Variants in LURAP1L observed in about 807,000 individuals in gnomAD.
LURAP1L encodes leucine rich adaptor protein 1 like.
In LURAP1L, 12 loss-of-function variants were observed where a neutral mutation model predicts 13.8. The ratio of observed to expected loss-of-function variants is 0.87; its 90% CI spans 0.56 to 1.41. The LOEUF (loss-of-function observed/expected upper bound fraction) is 1.41, where lower values mean the gene tolerates loss of function less well. Ranked by LOEUF, LURAP1L falls within the 40% of genes most tolerant of loss-of-function variation. LURAP1L has a pLI of 0.00. For synonymous variants in LURAP1L, 139 were observed against 119.2 expected (o/e 1.17, Z -1.08); for missense variants, 375 against 292.9 (o/e 1.28, Z -2.04).
chr9:12,791,074 G>T (rs1819434489), intron 1 of LURAP1L, among the ~76,000 whole-genome samples: 2 of 151,914 alleles, frequency 1.3e-5, no homozygotes, highest in Non-Finnish European at 2.9e-5. Context: ...ATGTGACTTG[G>T]GCACATTGTC....
chr9:12,792,335 G>A (rs1819451431), intron 1 of LURAP1L, among the ~76,000 whole-genome samples: 1 of 151,984 alleles, frequency 6.6e-6, no homozygotes, highest in Non-Finnish European at 1.5e-5. Context: ...TAATTTCTTA[G>A]CACTTTTGTC....
chr9:12,795,977 A>T (rs1469648050), intron 1 of LURAP1L, among the ~76,000 whole-genome samples: 1 of 152,044 alleles, frequency 6.6e-6, no homozygotes, highest in East Asian at 1.9e-4. Context: ...AGATAAATAA[A>T]TATTTTTAAA....
rs926134164 is a variant in LURAP1L, at chr9:12,775,332, T to C, written c.-384T>C. 6 of 188,138 alleles carry C rather than the reference T, an allele frequency of 3.2e-5. No individual in the cohort carries two copies. Among genetic ancestry groups the C allele is most frequent in the Non-Finnish European group, 6.4e-5 (6 of 93,512 alleles). 11.7% of individuals were successfully genotyped at this position (188,138 alleles called of 1,614,324 possible). ...GGACGGTTTTATAATGTGAAAATTTTCCCTTGGTAAAGCTAAAACAGATTT... is the reference window on the plus strand; with the variant it reads ...GGACGGTTTTATAATGTGAAAATTTCCCCTTGGTAAAGCTAAAACAGATTT... On this transcript the variant is annotated 5_prime_UTR_variant, in exon 1 of 2. Coordinates refer to ENST00000319264, the MANE Select transcript of LURAP1L (RefSeq NM_203403.2).
intron 1 of LURAP1L, among the ~76,000 whole-genome samples, chr9:12,813,520 AAAACAC>A (rs1461021319): frequency 6.6e-6 from 1 of 152,192 alleles, no homozygotes; most frequent in Admixed American, 6.5e-5. Flanking sequence ...CAGAAATTTA[AAAACAC>A]TATAAAGCAG....
Position 12,791,893 on chromosome 9 carries a change from T to C in LURAP1L, c.312+15866T>C, listed in dbSNP as rs115415359. ...AATTAATGCCACAATTAATGACTTA[T>C]GTCACTTTATTTCTGCTGACTTCAG... On this transcript the variant is annotated intron_variant, in intron 1 of 1. Transcript: ENST00000319264. 2.9e-3 allele frequency among the ~76,000 whole-genome samples: 437 copies of C among 152,270 alleles called. 1 individual carries two copies. Among genetic ancestry groups the C allele is most frequent in the African/African-American group, 1.0e-2 (415 of 41,572 alleles).
chr9:12,808,390 C>A (rs898419385), intron 1 of LURAP1L, among the ~76,000 whole-genome samples: 1 of 152,068 alleles, frequency 6.6e-6, no homozygotes, highest in Non-Finnish European at 1.5e-5. Flanking sequence ...GTGTATAGTT[C>A]AGTGGCATTA....
At chr9:12,777,962 T>C (rs535565196) in intron 1 of LURAP1L, among the ~76,000 whole-genome samples, 1 of 152,364 alleles carries the variant, frequency 6.6e-6, no homozygotes, top group African/African-American at 2.4e-5. Context: ...TTGCTTTTAA[T>C]GGCAACCACA....
intron 1 of LURAP1L, among the ~76,000 whole-genome samples, chr9:12,811,730 G>C (rs35991181): frequency 0.32 from 48,559 of 152,080 alleles, 8,263 homozygotes; most frequent in East Asian, 0.43. Flanking sequence ...TGGTGTATTA[G>C]TTATTCAAGC....
intron 1 of LURAP1L, among the ~76,000 whole-genome samples, chr9:12,782,889 T>G (rs935640722): frequency 1.5e-4 from 23 of 152,298 alleles, no homozygotes; most frequent in African/African-American, 5.5e-4. Context: ...CTTATTCAAT[T>G]TCTTGCATCG....
intron 1 of LURAP1L, among the ~76,000 whole-genome samples, chr9:12,804,090 A>G (rs1165137054): frequency 1.3e-5 from 2 of 152,184 alleles, no homozygotes; most frequent in African/African-American, 4.8e-5. Flanking sequence ...TATTTAATAA[A>G]TTCAGTGTAT....
chr9:12,799,210 T>C (rs1395374920), intron 1 of LURAP1L, among the ~76,000 whole-genome samples: 2 of 152,216 alleles, frequency 1.3e-5, no homozygotes, highest in African/African-American at 2.4e-5. Context: ...ATATGTATCA[T>C]AGAACGCAGT....
At chr9:12,789,059 G>C (rs1301444403) in intron 1 of LURAP1L, among the ~76,000 whole-genome samples, 1 of 149,572 alleles carries the variant, frequency 6.7e-6, no homozygotes, top group Non-Finnish European at 1.5e-5. Flanking sequence ...GACAGAGTGA[G>C]AGTGAGATCC....
chr9:12,821,812 T>C lies in LURAP1L; in HGVS notation c.*52T>C. Reference sequence around the variant, plus strand: ...TGCAATGAACTTGTATTTATCCTTCTTCTCCGCTGCTATATTTTTGGTGTG... The same window carrying C: ...TGCAATGAACTTGTATTTATCCTTCCTCTCCGCTGCTATATTTTTGGTGTG... On this transcript the variant is annotated 3_prime_UTR_variant, in exon 2 of 2. Transcript: ENST00000319264. 6.5e-7 allele frequency: 1 copy of C among 1,541,456 alleles called. No individual in the cohort carries two copies. The highest frequency in any genetic ancestry group is 2.3e-5 in the East Asian group (1 of 44,032).
intron 1 of LURAP1L, among the ~76,000 whole-genome samples, chr9:12,805,037 A>G (rs1819638235): frequency 6.6e-6 from 1 of 152,316 alleles, no homozygotes; most frequent in East Asian, 1.9e-4. Context: ...AATTAAAAAA[A>G]TTAAGTTAAA....
intron 1 of LURAP1L, among the ~76,000 whole-genome samples, chr9:12,789,369 A>G (rs1319213654): frequency 6.6e-6 from 1 of 152,222 alleles, no homozygotes; most frequent in Non-Finnish European, 1.5e-5. Flanking sequence ...AGATGAGACC[A>G]GAATTTTTTC....
At chr9:12,814,656 T>C (rs1819781079) in intron 1 of LURAP1L, among the ~76,000 whole-genome samples, 1 of 152,210 alleles carries the variant, frequency 6.6e-6, no homozygotes, top group African/African-American at 2.4e-5. Context: ...GAATTTATGC[T>C]TATGATTCAC....
Position 12,821,470 on chromosome 9 carries a change from G to A in LURAP1L, c.397G>A (p.Glu133Lys), listed in dbSNP as rs1819879187. 1.9e-6 allele frequency: 3 copies of A among 1,614,000 alleles called. No individual in the cohort carries two copies. Among genetic ancestry groups the A allele is most frequent in the Non-Finnish European group, 1.7e-6 (2 of 1,180,044 alleles). The change falls in exon 2 of 2, where the codon GAA becomes AAA. Residue 133 changes from glutamate (E) to lysine (K), a missense_variant. Physicochemically the swap from Glu to Lys is moderately conservative, Grantham distance 56. Coordinates refer to ENST00000319264, the MANE Select transcript of LURAP1L (RefSeq NM_203403.2). The part of the protein sequence containing the change: ...ESIESIKWMI[E>K]EKATITSRGS... Reference sequence around the variant, plus strand: ...CATCGAGTCCATCAAGTGGATGATCGAAGAAAAAGCCACCATTACCAGCAG... The same window carrying A: ...CATCGAGTCCATCAAGTGGATGATCAAAGAAAAAGCCACCATTACCAGCAG...
At chr9:12,784,412 T>C (rs180813292) in intron 1 of LURAP1L, among the ~76,000 whole-genome samples, 1 of 152,354 alleles carries the variant, frequency 6.6e-6, no homozygotes, top group East Asian at 1.9e-4. Flanking sequence ...CAGCCATATC[T>C]GCCCAAGCCC....
rs183288871 is a variant in LURAP1L, at chr9:12,788,525, C to T, written c.312+12498C>T. On this transcript the variant is annotated intron_variant, in intron 1 of 1. Transcript: ENST00000319264. ...CAAAAATGTAGTTAGTGTATACATTCGGTATAATGTATAATTAAGAAAACT... is the reference window on the plus strand; with the variant it reads ...CAAAAATGTAGTTAGTGTATACATTTGGTATAATGTATAATTAAGAAAACT... 2.4e-3 allele frequency among the ~76,000 whole-genome samples: 361 copies of T among 152,044 alleles called. 4 individuals carry two copies. The highest frequency in any genetic ancestry group is 3.4e-3 in the Non-Finnish European group (229 of 67,978).
Sources: gnomAD v4.1 joint callset for allele counts (sites outside exome capture counted in the v4.1 genomes callset) on GRCh38, gnomAD v4.1.1 for gene constraint, MANE v1.5 for transcripts, NCBI Gene and HGNC (gene_info 2026-07-23, HGNC 2026-07-21) for gene names.